EXOC2: variants seen among roughly 807,000 people sequenced by gnomAD.
EXOC2 encodes the protein exocyst complex component 2.
In EXOC2, 70 loss-of-function variants were observed where a neutral mutation model predicts 131.8. That is an observed-to-expected ratio of 0.53 (90% CI 0.44 to 0.65). The LOEUF is 0.65. Among genes scored for constraint, EXOC2 ranks in the 30% least tolerant of loss-of-function variants. EXOC2 has a pLI of 0.00. For synonymous variants in EXOC2, 411 were observed against 398.4 expected (o/e 1.03, Z -0.38); for missense variants, 923 against 1,108.6 (o/e 0.83, Z 2.38).
At chr6:551,129 C>T (rs2127568265) in intron 21 of EXOC2, among the ~76,000 whole-genome samples, 1 of 152,302 alleles carries the variant, frequency 6.6e-6, no homozygotes, top group South Asian at 2.1e-4. Flanking sequence ...GATGGAGACG[C>T]ACGTTTGAAA....
rs77337766 is a variant in EXOC2 at position 599,818 on chromosome 6, T to C, written c.743-593A>G. Among the ~76,000 whole-genome samples the C allele has an allele frequency of 5.6e-3, 850 of 152,032 alleles. 7 individuals carry two copies. The highest frequency in any genetic ancestry group is 0.019 in the African/African-American group (790 of 41,478). ...CATGAATATTTCTTAAATCAGCTAATCTTATAAAAGTATACATGAGCTGCA... is the reference window on the plus strand; with the variant it reads ...CATGAATATTTCTTAAATCAGCTAACCTTATAAAAGTATACATGAGCTGCA... On this transcript the variant is annotated intron_variant, in intron 7 of 27. Transcript: ENST00000230449.
intron 23 of EXOC2, among the ~76,000 whole-genome samples, chr6:500,087 CAT>C (rs1313652719): frequency 6.6e-6 from 1 of 151,668 alleles, no homozygotes; most frequent in Non-Finnish European, 1.5e-5. Flanking sequence ...TACGGTAAAA[CAT>C]ATATACTGTA....
At chr6:663,931 T>C (rs2127764441) in intron 1 of EXOC2, among the ~76,000 whole-genome samples, 1 of 152,308 alleles carries the variant, frequency 6.6e-6, no homozygotes, top group African/African-American at 2.4e-5. Flanking sequence ...CTGCAAGTCC[T>C]AGCCAGAGCA....
At chr6:603,833 G>A (rs1760246733) in intron 7 of EXOC2, among the ~76,000 whole-genome samples, 1 of 152,180 alleles carries the variant, frequency 6.6e-6, no homozygotes, top group Non-Finnish European at 1.5e-5. Flanking sequence ...GTTTCAAGAT[G>A]TGTTTGCGAG....
At chr6:545,732 T>C (rs1022346625) in intron 22 of EXOC2, among the ~76,000 whole-genome samples, 3 of 152,230 alleles carry the variant, frequency 2.0e-5, no homozygotes, top group Non-Finnish European at 1.5e-5. Flanking sequence ...CAGGATTCTA[T>C]CGTGAGGAAG....
intron 1 of EXOC2, among the ~76,000 whole-genome samples, chr6:673,252 C>CAAAAAAAAAAAAAAAAAAAAAAA (rs56189394): frequency 1.4e-4 from 9 of 64,266 alleles, no homozygotes; most frequent in African/African-American, 3.5e-4. Context: ...ACTCCATAGC[C>CAAAAAAAAAAAAAAAAAAAAAAA]AAAAAAAAAA....
intron 2 of EXOC2, 142 bp downstream of exon 2, chr6:637,559 C>T (rs1277144127): frequency 3.6e-5 from 20 of 558,258 alleles, no homozygotes; most frequent in Non-Finnish European, 5.7e-5. Flanking sequence ...CCAGATAATT[C>T]TTTCGTCTTT....
rs58892194 is a variant in EXOC2, at chr6:685,869, C to CTTTTTTTTTTTTTTTTTTTTTTTTTTTTT, written c.-44+7149_-44+7150insAAAAAAAAAAAAAAAAAAAAAAAAAAAAA. ...TAATGTATCCTGCTTTCCTGGACCT[C>CTTTTTTTTTTTTTTTTTTTTTTTTTTTTT]TTTTTTTTTTTTTTTTTTTTTTTTG... On this transcript the variant is annotated intron_variant, in intron 1 of 27. Transcript: ENST00000230449. Among the ~76,000 whole-genome samples, 14 of 98,262 alleles carry CTTTTTTTTTTTTTTTTTTTTTTTTTTTTT rather than the reference C, an allele frequency of 1.4e-4. 2 individuals are homozygous for CTTTTTTTTTTTTTTTTTTTTTTTTTTTTT. The highest frequency in any genetic ancestry group is 2.3e-4 in the Non-Finnish European group (11 of 48,716). The allele number at this position is 98,262 out of a possible 152,430, so 64.5% of individuals were successfully genotyped here.
intron 22 of EXOC2, among the ~76,000 whole-genome samples, chr6:541,735 A>G (rs1030222866): frequency 1.3e-5 from 2 of 152,374 alleles, no homozygotes; most frequent in African/African-American, 4.8e-5. Flanking sequence ...TACGATTAAC[A>G]TGAAGAAATA....
intron 7 of EXOC2, among the ~76,000 whole-genome samples, chr6:605,483 T>C (rs1760355271): frequency 1.3e-5 from 2 of 152,378 alleles, no homozygotes; most frequent in South Asian, 4.1e-4. Flanking sequence ...TTCTAGTTCA[T>C]TTGCGTAGAG....
In EXOC2 at chr6:635,165, T is replaced by C. The variant is rs1033719740; in HGVS notation, c.119-2048A>G. 2.6e-5 allele frequency among the ~76,000 whole-genome samples: 4 copies of C among 152,322 alleles called. No homozygotes were observed. The East Asian group carries it at 7.7e-4, about 29-fold the overall frequency. On this transcript the variant is annotated intron_variant, in intron 2 of 27. Transcript: ENST00000230449. The stretch of plus-strand genomic sequence containing the variant: ...TCAGGTAGCAATGTAAAAATACAAA[T>C]AGTATCTTCATTAAAGGAAAAAAGT...
chr6:567,739 G>C (rs1179057109), intron 13 of EXOC2, among the ~76,000 whole-genome samples: 1 of 152,198 alleles, frequency 6.6e-6, no homozygotes, highest in East Asian at 1.9e-4. Context: ...ATGCATGTGT[G>C]TCTCAGTACC....
intron 13 of EXOC2, among the ~76,000 whole-genome samples, chr6:568,072 G>C (rs1022306926): frequency 6.6e-6 from 1 of 152,248 alleles, no homozygotes; most frequent in African/African-American, 2.4e-5. Flanking sequence ...AATGTCAGGA[G>C]CTAAATCTTT....
At chr6:690,364 A>C (rs1764862468) in intron 1 of EXOC2, among the ~76,000 whole-genome samples, 2 of 152,064 alleles carry the variant, frequency 1.3e-5, no homozygotes, top group Non-Finnish European at 2.9e-5. Context: ...TCAATCAATA[A>C]ACAAACTGAG....
At chr6:488,398 T>C (rs1477271149) in intron 27 of EXOC2, among the ~76,000 whole-genome samples, 1 of 152,224 alleles carries the variant, frequency 6.6e-6, no homozygotes, top group Non-Finnish European at 1.5e-5. Context: ...CTGGCCTAGA[T>C]TTTCTCTTAG....
At chr6:692,818 GC>G (rs1207399761) in intron 1 of EXOC2, among the ~76,000 whole-genome samples, 200 bp downstream of exon 1, 1 of 150,070 alleles carries the variant, frequency 6.7e-6, no homozygotes, top group Non-Finnish European at 1.5e-5. Flanking sequence ...AGCCCAGCAG[GC>G]GGCTGACGGC....
intron 25 of EXOC2, among the ~76,000 whole-genome samples, chr6:491,725 T>C (rs372985410): frequency 3.3e-5 from 5 of 152,208 alleles, no homozygotes; most frequent in East Asian, 3.8e-4. Flanking sequence ...GGCAAGCTGA[T>C]TGTAAAATTC....
At chr6:631,289 C>T (rs1171465721) in intron 3 of EXOC2, among the ~76,000 whole-genome samples, 2 of 152,174 alleles carry the variant, frequency 1.3e-5, no homozygotes, top group Admixed American at 1.3e-4. Context: ...CCTGTAATCC[C>T]AGCACTTTGG....
chr6:542,272 A>G (rs1320266622), intron 22 of EXOC2, among the ~76,000 whole-genome samples: 12 of 152,254 alleles, frequency 7.9e-5, no homozygotes, highest in African/African-American at 2.9e-4. Context: ...TATTATATGG[A>G]TAAAATATTT....
Sources: allele counts gnomAD v4.1 joint callset (sites outside exome capture counted in the v4.1 genomes callset), GRCh38; gene constraint gnomAD v4.1.1; transcripts MANE v1.5; gene names NCBI Gene and HGNC (gene_info 2026-07-23, HGNC 2026-07-21).